HNF4G: variants seen among roughly 807,000 people sequenced by gnomAD.
The protein encoded by HNF4G is hepatocyte nuclear factor 4 gamma.
A neutral mutation model predicts 50.9 loss-of-function variants in HNF4G; 21 were observed. The ratio of observed to expected loss-of-function variants is 0.41; its 90% CI spans 0.29 to 0.59. The LOEUF is 0.59. HNF4G is among the 20% of genes least tolerant of loss of function. HNF4G has a pLI of 0.26. For synonymous variants in HNF4G, 198 were observed against 185.6 expected (o/e 1.07, Z -0.54); for missense variants, 527 against 559.4 (o/e 0.94, Z 0.58).
At chr8:75,415,745 T>G (rs1310229420) in intron 1 of HNF4G, among the ~76,000 whole-genome samples, 1 of 151,440 alleles carries the variant, frequency 6.6e-6, no homozygotes, top group Non-Finnish European at 1.5e-5. Flanking sequence ...TTTAAGCCAA[T>G]GCCTTTTCAA....
intron 1 of HNF4G, among the ~76,000 whole-genome samples, chr8:75,430,998 AAAAC>A (rs750593042): frequency 3.1e-4 from 47 of 152,282 alleles, no homozygotes; most frequent in South Asian, 4.1e-4. Context: ...GAAGACTATA[AAAAC>A]AAACAGATAC....
At chr8:75,473,709 C>T (rs1380289504) in intron 1 of HNF4G, among the ~76,000 whole-genome samples, 1 of 152,112 alleles carries the variant, frequency 6.6e-6, no homozygotes, top group Non-Finnish European at 1.5e-5. Flanking sequence ...ACAGCTTAAA[C>T]TTTCAGGAGT....
At chr8:75,510,586 C>T (rs180942508) in intron 2 of HNF4G, among the ~76,000 whole-genome samples, 3 of 152,178 alleles carry the variant, frequency 2.0e-5, no homozygotes, top group South Asian at 2.1e-4. Flanking sequence ...TTTAGATACA[C>T]AAAAGGTTAC....
intron 1 of HNF4G, among the ~76,000 whole-genome samples, chr8:75,443,078 G>A (rs937467810): frequency 2.0e-5 from 3 of 152,076 alleles, no homozygotes; most frequent in African/African-American, 4.8e-5. Flanking sequence ...TTCGAGAATG[G>A]GATTAGTTCC....
chr8:75,518,221 G>A (rs1805945197), intron 2 of HNF4G, among the ~76,000 whole-genome samples: 1 of 141,372 alleles, frequency 7.1e-6, no homozygotes, highest in African/African-American at 2.7e-5. Context: ...TCCCACCTAT[G>A]AGTGAGAACA....
At chr8:75,425,555 A>G (rs1273109809) in intron 1 of HNF4G, among the ~76,000 whole-genome samples, 1 of 147,304 alleles carries the variant, frequency 6.8e-6, no homozygotes, top group Non-Finnish European at 1.5e-5. Flanking sequence ...ATTTTTACAT[A>G]TATTATATAA....
chr8:75,498,924 CACATCAA>C (rs1812852343), intron 2 of HNF4G, among the ~76,000 whole-genome samples: 1 of 152,054 alleles, frequency 6.6e-6, no homozygotes, highest in Non-Finnish European at 1.5e-5. Context: ...ATGGCAAACT[CACATCAA>C]ACATCAAACA....
chr8:75,415,147 A>G (rs189645456), intron 1 of HNF4G, among the ~76,000 whole-genome samples: 25 of 152,332 alleles, frequency 1.6e-4, no homozygotes, highest in Admixed American at 1.5e-3. Flanking sequence ...TCATGAGCTT[A>G]TGTAACATAA....
intron 1 of HNF4G, among the ~76,000 whole-genome samples, chr8:75,429,412 A>T (rs758328767): frequency 1.3e-5 from 2 of 151,946 alleles, no homozygotes; most frequent in Non-Finnish European, 2.9e-5. Context: ...AATATAAAGT[A>T]AGTGTTTGGG....
At position 75,513,982 on chromosome 8, in the gene HNF4G, CTGTAT is replaced by C. The variant is rs796828919; in HGVS notation, c.-24+23775_-24+23779del. ...TTTTCTAATTGTCAGATGAAGGCTTCTGTATATGTGCATTCTATTAGTTTGCTATT... is the reference window on the plus strand; with the variant it reads ...TTTTCTAATTGTCAGATGAAGGCTTCATGTGCATTCTATTAGTTTGCTATT... On this transcript the variant is annotated intron_variant, in intron 2 of 10. Transcript: ENST00000354370. 1.1e-3 allele frequency among the ~76,000 whole-genome samples: 174 copies of C among 152,066 alleles called. 1 individual carries two copies. Among genetic ancestry groups the C allele is most frequent in the African/African-American group, 4.0e-3 (166 of 41,542 alleles).
chr8:75,505,493 A>G (rs2130714392), intron 2 of HNF4G, among the ~76,000 whole-genome samples: 1 of 152,288 alleles, frequency 6.6e-6, no homozygotes, highest in South Asian at 2.1e-4. Context: ...AGGTCTCAAA[A>G]GTTTGGGACC....
chr8:75,510,955 T>C (rs1014534560), intron 2 of HNF4G, among the ~76,000 whole-genome samples: 2 of 152,266 alleles, frequency 1.3e-5, no homozygotes, highest in South Asian at 2.1e-4. Flanking sequence ...AGTTAGCACT[T>C]TATCTTTTTA....
intron 2 of HNF4G, among the ~76,000 whole-genome samples, chr8:75,508,925 G>A (rs1004638245): frequency 7.2e-5 from 11 of 152,292 alleles, no homozygotes; most frequent in East Asian, 1.9e-4. Context: ...ATGATGTCAC[G>A]AATGAATTTT....
At chr8:75,563,365 G>A (rs1807369282) in intron 9 of HNF4G, among the ~76,000 whole-genome samples, 1 of 151,276 alleles carries the variant, frequency 6.6e-6, no homozygotes, top group African/African-American at 2.4e-5. Flanking sequence ...CAATTACTCA[G>A]GCTTGCTCTT....
At chr8:75,559,830 A>G (rs1200963291) in intron 8 of HNF4G, among the ~76,000 whole-genome samples, 2 of 152,218 alleles carry the variant, frequency 1.3e-5, no homozygotes, top group African/African-American at 4.8e-5. Context: ...GACACAAAAT[A>G]GTAGAAAGGG....
chr8:75,511,751 C>T (rs886761163), intron 2 of HNF4G, among the ~76,000 whole-genome samples: 2 of 152,122 alleles, frequency 1.3e-5, no homozygotes, highest in Admixed American at 6.5e-5. Context: ...TCACTGCGCC[C>T]GGCTAATTTT....
chr8:75,492,893 T>C (rs1038481706), intron 2 of HNF4G, among the ~76,000 whole-genome samples: 1 of 152,046 alleles, frequency 6.6e-6, no homozygotes, highest in Non-Finnish European at 1.5e-5. Flanking sequence ...CTTTTCCCTT[T>C]TTGGAGCAGG....
At chr8:75,519,839 C>CAT (rs1554577346) in intron 2 of HNF4G, among the ~76,000 whole-genome samples, 6 of 149,818 alleles carry the variant, frequency 4.0e-5, no homozygotes, top group African/African-American at 7.4e-5. Flanking sequence ...TGCATGTGAG[C>CAT]GTGTGTGTGT....
At position 75,551,488 on chromosome 8, in the gene HNF4G, T is replaced by C. The variant is rs753809871; in HGVS notation, c.483T>C (p.Ser161=). The change falls in exon 4 of 10, where the codon TCT becomes TCC. Residue 161 remains serine (S), a synonymous_variant. Coordinates refer to ENST00000396423, the MANE Select transcript of HNF4G (RefSeq NM_004133.5). ...INTLAQAEVR[S]RQISVSSPGS... The stretch of plus-strand genomic sequence containing the variant: ...CACTGGCACAAGCTGAAGTTCGGTC[T>C]CGCCAGGTACCTGTGGCACGGCAGC... 6.4e-5 allele frequency: 102 copies of C among 1,593,574 alleles called. No individual in the cohort carries two copies. The highest frequency in any genetic ancestry group is 8.5e-5 in the Non-Finnish European group (99 of 1,161,706).
Sources: gnomAD v4.1 joint callset for allele counts (sites outside exome capture counted in the v4.1 genomes callset) on GRCh38, gnomAD v4.1.1 for gene constraint, MANE v1.5 for transcripts, NCBI Gene and HGNC (gene_info 2026-07-23, HGNC 2026-07-21) for gene names.